Variants in PRXL2C observed in about 807,000 individuals in gnomAD.
PRXL2C encodes peroxiredoxin like 2C.
Under a neutral mutation model 24.9 loss-of-function variants are expected in PRXL2C, and 38 were observed. The observed-to-expected ratio is 1.53, with a 90% CI of 1.18 to 2.00. The LOEUF (loss-of-function observed/expected upper bound fraction) is 2.00. PRXL2C is among the 30% of genes most tolerant of loss of function. The pLI is 0.00. For missense variants in PRXL2C, 294 were observed against 290.9 expected, an observed-to-expected ratio of 1.01 and a Z score of -0.08; for synonymous variants, 98 against 117.2, an observed-to-expected ratio of 0.84 and a Z score of 1.06.
At position 96,641,769 on chromosome 9, in the gene PRXL2C, A is replaced by C. The variant is rs1265943074; in HGVS notation, c.671T>G (p.Ile224Ser). The C allele has an allele frequency of 6.4e-7, 1 of 1,569,388 alleles. No individual in the cohort carries two copies. The highest frequency in any genetic ancestry group is 8.7e-7 in the Non-Finnish European group (1 of 1,148,432). Residue 224 changes from isoleucine to serine, a missense_variant, in exon 6 of 6, where the codon ATC (isoleucine) becomes AGC (serine). Transcript: ENST00000375234. ...HVNFTNRPSV[I>S]HV ...TGAGTGCATTTTAAGTCACACATGG[A>C]TAACTGAAGGTCTGTTTGTAAAGTT...
At chr9:96,645,198 C>T (rs779144742) in intron 5 of PRXL2C, among the ~76,000 whole-genome samples, 17 of 151,760 alleles carry the variant, frequency 1.1e-4, no homozygotes, top group South Asian at 4.2e-4. Context: ...CGTAAACCAC[C>T]GCGCCCGGCT....
intron 5 of PRXL2C, among the ~76,000 whole-genome samples, chr9:96,644,620 G>A (rs141194782): frequency 0.025 from 3,776 of 152,076 alleles, 83 homozygotes; most frequent in Non-Finnish European, 0.039. Flanking sequence ...CAAGTAGGTG[G>A]GATTACAAGC....
intron 5 of PRXL2C, among the ~76,000 whole-genome samples, chr9:96,642,978 T>C (rs1459361288): frequency 6.6e-6 from 1 of 152,214 alleles, no homozygotes; most frequent in Admixed American, 6.5e-5. Flanking sequence ...GACATTTTTT[T>C]TTCCTGGTCA....
chr9:96,651,501 AAG>A lies in PRXL2C; in HGVS notation c.316-8_316-7del, dbSNP rs780104105. Reference sequence around the variant, plus strand: ...CCAGTCAGCTTGCAAAAAGGCTGAAAAGAGAGAATGGTTGGAATTTTTACAAG... The same window carrying A: ...CCAGTCAGCTTGCAAAAAGGCTGAAAAGAGAATGGTTGGAATTTTTACAAG... On this transcript the variant is annotated splice_region_variant and splice_polypyrimidine_tract_variant and intron_variant, in intron 3 of 5. Coordinates refer to ENST00000375234, the MANE Select transcript of PRXL2C (RefSeq NM_153698.2). 68 of 1,606,022 alleles carry A rather than the reference AAG, an allele frequency of 4.2e-5. No individual in the cohort carries two copies. In the African/African-American group the frequency reaches 7.4e-4, roughly 17 times the overall value.
Position 96,641,766 on chromosome 9 carries a change from T to C in PRXL2C, c.674A>G (p.His225Arg). 6.4e-7 allele frequency: 1 copy of C among 1,568,808 alleles called. No individual in the cohort carries two copies. The highest frequency in any genetic ancestry group is 8.7e-7 in the Non-Finnish European group (1 of 1,147,962). Residue 225 changes from histidine to arginine, a missense_variant, in exon 6 of 6, where the codon CAT becomes CGT. Transcript: ENST00000375234. ...VNFTNRPSVI[H>R]V ...GACTGAGTGCATTTTAAGTCACACA[T>C]GGATAACTGAAGGTCTGTTTGTAAA...
chr9:96,653,130 G>C (rs1848295685), intron 2 of PRXL2C, among the ~76,000 whole-genome samples: 1 of 152,066 alleles, frequency 6.6e-6, no homozygotes, highest in African/African-American at 2.4e-5. Flanking sequence ...AGGAGGCTGA[G>C]GCAGGAGAAT....
chr9:96,650,161 G>A (rs1848249521), intron 4 of PRXL2C, among the ~76,000 whole-genome samples: 1 of 152,110 alleles, frequency 6.6e-6, no homozygotes, highest in Admixed American at 6.6e-5. Context: ...CTCCATCACT[G>A]GCCCTTAGAT....
intron 5 of PRXL2C, among the ~76,000 whole-genome samples, chr9:96,645,189 G>A (rs990432523): frequency 9.9e-5 from 15 of 151,356 alleles, no homozygotes; most frequent in East Asian, 2.0e-4. Context: ...GATTACAGGC[G>A]TAAACCACCG....
chr9:96,643,882 C>A (rs1244408355), intron 5 of PRXL2C, among the ~76,000 whole-genome samples: 1 of 152,066 alleles, frequency 6.6e-6, no homozygotes, highest in African/African-American at 2.4e-5. Context: ...CACCTGTAAT[C>A]CCAGCACTTT....
Position 96,641,869 on chromosome 9 carries a change from T to A in PRXL2C, c.571A>T (p.Ile191Leu). The A allele has an allele frequency of 2.0e-6, 3 of 1,502,962 alleles. No individual in the cohort carries two copies. The highest frequency in any genetic ancestry group is 2.7e-6 in the Non-Finnish European group (3 of 1,106,780). 93.1% of individuals were successfully genotyped at this position (1,502,962 alleles called of 1,614,324 possible). ...ILGPGNNIHF[I>L]HRDRNRLDHK... ...TCCAACCTATTCCTATCGCGGTGTA[T>A]AAAATGGATGTTGTTACCTAGAAGA... The change falls in exon 6 of 6, where the codon ATA (isoleucine) becomes TTA (leucine). Residue 191 changes from isoleucine (I) to leucine (L), a missense_variant. Ile to Leu is a conservative substitution (Grantham distance 5). Coordinates refer to ENST00000375234, the MANE Select transcript of PRXL2C (RefSeq NM_153698.2).
chr9:96,653,092 G>A (rs2042157741), intron 2 of PRXL2C, among the ~76,000 whole-genome samples: 1 of 152,112 alleles, frequency 6.6e-6, no homozygotes, highest in Admixed American at 6.5e-5. Flanking sequence ...CGGGCGTGGT[G>A]GCGGGCGCCT....
At chr9:96,645,592 C>T (rs772190266) in intron 5 of PRXL2C, among the ~76,000 whole-genome samples, 5 of 151,462 alleles carry the variant, frequency 3.3e-5, no homozygotes, top group African/African-American at 4.9e-5. Context: ...GGTCAGGAGA[C>T]CGAGACCATC....
At chr9:96,652,979 G>A (rs1420191009) in intron 2 of PRXL2C, among the ~76,000 whole-genome samples, 2 of 152,102 alleles carry the variant, frequency 1.3e-5, no homozygotes, top group African/African-American at 2.4e-5. Flanking sequence ...TGTAATCCCA[G>A]CACTTTGGGA....
intron 5 of PRXL2C, among the ~76,000 whole-genome samples, 193 bp from the exon 6 acceptor site, chr9:96,642,079 T>C (rs1270191363): frequency 6.6e-6 from 1 of 152,134 alleles, no homozygotes; most frequent in Non-Finnish European, 1.5e-5. Flanking sequence ...AGGATTATGG[T>C]TAAATAAGAG....
Position 96,646,750 on chromosome 9 carries a change from G to C in PRXL2C, c.422-726C>G, listed in dbSNP as rs148010480. On this transcript the variant is annotated intron_variant, in intron 4 of 5. Coordinates refer to ENST00000375234, the MANE Select transcript of PRXL2C (RefSeq NM_153698.2). ...AGGGTGCCTGGATCCCGGAACTGCTGCTCAAGAGGAAAGGCATCCAAATAG... is the reference window on the plus strand; with the variant it reads ...AGGGTGCCTGGATCCCGGAACTGCTCCTCAAGAGGAAAGGCATCCAAATAG... Among the ~76,000 whole-genome samples the C allele has an allele frequency of 1.2e-4, 18 of 152,270 alleles. No homozygotes were observed. In the East Asian group the frequency reaches 2.9e-3, roughly 24 times the overall value.
intron 5 of PRXL2C, among the ~76,000 whole-genome samples, chr9:96,642,546 A>ATTTTTTT (rs1212733244): frequency 7.4e-6 from 1 of 134,942 alleles, no homozygotes; most frequent in Non-Finnish European, 1.6e-5. Context: ...GCACGTTTTC[A>ATTTTTTT]TTTTTTTTTT....
Position 96,641,427 on chromosome 9 carries a change from A to G in PRXL2C, c.*332T>C, listed in dbSNP as rs927959162. On this transcript the variant is annotated 3_prime_UTR_variant, in exon 6 of 6. Transcript: ENST00000375234. ...GTCCCCTTATATACTGTCAGAATTTATATTGCCAAAAAACTCTTTCATTGA... is the reference window on the plus strand; with the variant it reads ...GTCCCCTTATATACTGTCAGAATTTGTATTGCCAAAAAACTCTTTCATTGA... The G allele has an allele frequency of 1.2e-5, 2 of 167,846 alleles. No homozygotes were observed. Among genetic ancestry groups the G allele is most frequent in the Non-Finnish European group, 2.5e-5 (2 of 78,804 alleles). 10.4% of individuals were successfully genotyped at this position (167,846 alleles called of 1,614,324 possible).
chr9:96,653,787 T>C (rs1188142366), intron 2 of PRXL2C, among the ~76,000 whole-genome samples: 2 of 152,006 alleles, frequency 1.3e-5, no homozygotes, highest in South Asian at 2.1e-4. Context: ...ATATAGTAAA[T>C]AATTCTCTAT....
chr9:96,642,577 C>T (rs1412875187), intron 5 of PRXL2C, among the ~76,000 whole-genome samples: 10 of 146,548 alleles, frequency 6.8e-5, no homozygotes, highest in Non-Finnish European at 1.0e-4. Flanking sequence ...GACGGAGGCT[C>T]GCTTTGTCGC....
Sources: allele counts gnomAD v4.1 joint callset (sites outside exome capture counted in the v4.1 genomes callset), GRCh38; gene constraint gnomAD v4.1.1; transcripts MANE v1.5; gene names NCBI Gene and HGNC (gene_info 2026-07-23, HGNC 2026-07-21).